RHBDL3: variants seen among roughly 807,000 people sequenced by gnomAD.
RHBDL3 encodes the protein rhomboid like 3, also known as rhomboid-related protein 3.
Under a neutral mutation model 48.2 loss-of-function variants are expected in RHBDL3, and 28 were observed. The observed-to-expected ratio is 0.58, with a 90% CI of 0.43 to 0.80. The LOEUF (loss-of-function observed/expected upper bound fraction) is 0.80. Ranked by LOEUF, RHBDL3 falls within the 30% of genes least tolerant of loss-of-function variation. The pLI is 0.00. For missense variants in RHBDL3, 464 were observed against 542.7 expected (o/e 0.85, Z 1.44); for synonymous variants, 208 against 232.3 (o/e 0.90, Z 0.95).
chr17:32,312,860 A>G (rs2040878181), intron 7 of RHBDL3, among the ~76,000 whole-genome samples: 1 of 151,976 alleles, frequency 6.6e-6, no homozygotes, highest in Non-Finnish European at 1.5e-5. Context: ...TCCAGGCCAG[A>G]GTGTGCTGGT....
rs548881952 is a variant in RHBDL3 at position 32,277,654 on chromosome 17, C to G, written c.136-7005C>G. ...AGACTCCAGCAAAGTGTCAGCTGCT[C>G]GGAGACCTATGCTACTCATGGGGCG... is the stretch of plus-strand genomic sequence containing the variant. On this transcript the variant is annotated intron_variant, in intron 2 of 8. Coordinates refer to ENST00000269051, the MANE Select transcript of RHBDL3 (RefSeq NM_138328.3). Among the ~76,000 whole-genome samples, 3 of 152,320 alleles carry G rather than the reference C, an allele frequency of 2.0e-5. No individual in the cohort carries two copies. The South Asian group carries it at 6.2e-4, about 32-fold the overall frequency.
rs2041208372 is a variant in RHBDL3 at position 32,324,268 on chromosome 17, C to T, written c.*3039C>T. On this transcript the variant is annotated 3_prime_UTR_variant, in exon 9 of 9. Transcript: ENST00000269051. ...AATTAGGAAAAGCTCCCTAATGAGG[C>T]TCTTTTGCCAGCTAATAGGACTCTC... The T allele has an allele frequency of 6.6e-6, 1 of 152,636 alleles. No individual in the cohort carries two copies. Among genetic ancestry groups the T allele is most frequent in the African/African-American group, 2.4e-5 (1 of 41,452 alleles). 9.5% of individuals were successfully genotyped at this position (152,636 alleles called of 1,614,324 possible). A position where few individuals can be genotyped will look rare whatever the true frequency, so the allele number is the denominator to read the frequency against.
chr17:32,276,888 C>T, intron 2 of RHBDL3, among the ~76,000 whole-genome samples: 1 of 106,726 alleles, frequency 9.4e-6, no homozygotes, highest in Non-Finnish European at 1.7e-5. Flanking sequence ...GCGGCCCTAG[C>T]ACCTTACTCC....
intron 7 of RHBDL3, among the ~76,000 whole-genome samples, chr17:32,307,656 C>T (rs960297718): frequency 2.0e-5 from 3 of 152,164 alleles, no homozygotes; most frequent in African/African-American, 4.8e-5. Context: ...TGTTGGGAAA[C>T]GTGGAACGGT....
chr17:32,278,405 C>T (rs1277846607), intron 2 of RHBDL3, among the ~76,000 whole-genome samples: 1 of 152,196 alleles, frequency 6.6e-6, no homozygotes, highest in Non-Finnish European at 1.5e-5. Context: ...GAATCCTGAA[C>T]TATTTCTGTC....
intron 2 of RHBDL3, among the ~76,000 whole-genome samples, chr17:32,283,437 C>T (rs1199940386): frequency 6.6e-6 from 1 of 150,938 alleles, no homozygotes; most frequent in Non-Finnish European, 1.5e-5. Flanking sequence ...TACTCTCCTG[C>T]CTCAGCCTCC....
intron 7 of RHBDL3, among the ~76,000 whole-genome samples, chr17:32,306,791 C>T (rs1470470810): frequency 1.3e-5 from 2 of 152,040 alleles, no homozygotes; most frequent in Non-Finnish European, 2.9e-5. Flanking sequence ...CACGGTGGTG[C>T]ATGGCTATAG....
intron 4 of RHBDL3, among the ~76,000 whole-genome samples, chr17:32,291,738 C>T (rs2040333692): frequency 6.6e-6 from 1 of 151,074 alleles, no homozygotes; most frequent in Non-Finnish European, 1.5e-5. Flanking sequence ...AAACAAATCA[C>T]TCTTATAGCC....
Position 32,322,128 on chromosome 17 carries a change from T to TGTGTGTGTGCGC in RHBDL3, c.*908_*909insCGCGTGTGTGTG, listed in dbSNP as rs1192601910. 2 of 151,576 alleles carry TGTGTGTGTGCGC rather than the reference T, an allele frequency of 1.3e-5. No individual in the cohort carries two copies. Among genetic ancestry groups the TGTGTGTGTGCGC allele is most frequent in the African/African-American group, 4.9e-5 (2 of 40,422 alleles). The allele number at this position is 151,576 out of a possible 1,614,324, so 9.4% of individuals were successfully genotyped here. On this transcript the variant is annotated 3_prime_UTR_variant, in exon 9 of 9. Transcript: ENST00000269051. ...GTGTTTTGAAACATTCATGCGTGTG[T>TGTGTGTGTGCGC]GTGTGTGTGTGCGTATATGTGTGTA...
chr17:32,285,751 C>T (rs760600936), intron 3 of RHBDL3, among the ~76,000 whole-genome samples: 16 of 152,148 alleles, frequency 1.1e-4, no homozygotes, highest in Non-Finnish European at 2.4e-4. Context: ...CTTCATGTCA[C>T]CCATGGAGGG....
intron 7 of RHBDL3, among the ~76,000 whole-genome samples, chr17:32,313,751 C>T (rs1014167914): frequency 1.0e-5 from 1 of 98,640 alleles, no homozygotes; most frequent in Non-Finnish European, 1.9e-5. Context: ...AATTCCCTCC[C>T]TTTTTTTTTT....
At chr17:32,283,870 G>T (rs773294722) in intron 2 of RHBDL3, among the ~76,000 whole-genome samples, 1 of 152,174 alleles carries the variant, frequency 6.6e-6, no homozygotes, top group Non-Finnish European at 1.5e-5. Flanking sequence ...CAGAACAGAG[G>T]GTTCCGTGAG....
At chr17:32,295,774 T>A (rs2040431512) in intron 5 of RHBDL3, among the ~76,000 whole-genome samples, 1 of 152,062 alleles carries the variant, frequency 6.6e-6, no homozygotes, top group Non-Finnish European at 1.5e-5. Context: ...AGACAGTGGG[T>A]GTTAAAGTGC....
intron 2 of RHBDL3, among the ~76,000 whole-genome samples, chr17:32,281,374 C>T (rs972303785): frequency 6.6e-6 from 1 of 151,992 alleles, no homozygotes; most frequent in African/African-American, 2.4e-5. Flanking sequence ...GGGAGGCAGC[C>T]CCTAGGAGGG....
At chr17:32,311,341 G>T (rs1399854339) in intron 7 of RHBDL3, among the ~76,000 whole-genome samples, 1 of 152,176 alleles carries the variant, frequency 6.6e-6, no homozygotes, top group Non-Finnish European at 1.5e-5. Context: ...GGGAATATTG[G>T]ATTAGGGAAG....
chr17:32,307,789 C>T (rs1024931673), intron 7 of RHBDL3, among the ~76,000 whole-genome samples: 2 of 152,166 alleles, frequency 1.3e-5, no homozygotes, highest in Non-Finnish European at 2.9e-5. Flanking sequence ...ATCAGTGCCA[C>T]ATCTTTCCCC....
Position 32,321,463 on chromosome 17 carries a change from A to G in RHBDL3, c.*234A>G, listed in dbSNP as rs975704675. ...CGTTTTTCTCGGCTGCTCTGATGAC[A>G]TCGGGCCAGGGTGAAGGTCTGGGGT... is the stretch of plus-strand genomic sequence containing the variant. On this transcript the variant is annotated 3_prime_UTR_variant, in exon 9 of 9. Coordinates refer to ENST00000269051, the MANE Select transcript of RHBDL3 (RefSeq NM_138328.3). The G allele has an allele frequency of 2.4e-5, 29 of 1,224,578 alleles. No homozygotes were observed. Among genetic ancestry groups the G allele is most frequent in the Non-Finnish European group, 2.8e-5 (25 of 889,044 alleles). 75.9% of individuals were successfully genotyped at this position (1,224,578 alleles called of 1,614,324 possible). A position where few individuals can be genotyped will look rare whatever the true frequency, so the allele number is the denominator to read the frequency against.
At position 32,273,409 on chromosome 17, in the gene RHBDL3, G is replaced by A. The variant is rs138510765; in HGVS notation, c.135+5484G>A. On this transcript the variant is annotated intron_variant, in intron 2 of 8. Transcript: ENST00000269051. ...TAGATCCCAACCCTGCTTTCTATCT[G>A]AACTGTGTTCCTGCCACCAGGCCAT... 4.6e-5 allele frequency among the ~76,000 whole-genome samples: 7 copies of A among 152,346 alleles called. No homozygotes were observed. The East Asian group carries it at 7.7e-4, about 17-fold the overall frequency.
At chr17:32,304,811 T>C (rs1453804004) in intron 6 of RHBDL3, among the ~76,000 whole-genome samples, 1 of 152,160 alleles carries the variant, frequency 6.6e-6, no homozygotes, top group Non-Finnish European at 1.5e-5. Context: ...CAGCCAGAAA[T>C]TAATCCTCTA....
Sources: allele counts gnomAD v4.1 joint callset (sites outside exome capture counted in the v4.1 genomes callset), GRCh38; gene constraint gnomAD v4.1.1; transcripts MANE v1.5; gene names NCBI Gene and HGNC (gene_info 2026-07-23, HGNC 2026-07-21).